PCDHGC5: variants seen among roughly 807,000 people sequenced by gnomAD.
PCDHGC5 encodes the protein protocadherin gamma-C5.
In PCDHGC5, 25 loss-of-function variants were observed where a neutral mutation model predicts 59.0. The observed-to-expected ratio is 0.42, with a 90% CI of 0.31 to 0.59. The LOEUF is 0.59. Among genes scored for constraint, PCDHGC5 ranks in the 20% least tolerant of loss-of-function variants. The pLI is 0.13. For synonymous variants in PCDHGC5, 434 were observed against 505.5 expected, an observed-to-expected ratio of 0.86 and a Z score of 1.90; for missense variants, 1,067 against 1,206.4, an observed-to-expected ratio of 0.88 and a Z score of 1.71.
chr5:141,490,775 A>G lies in PCDHGC5; in HGVS notation c.1535A>G (p.Glu512Gly). 6 of 1,614,110 alleles carry G rather than the reference A, an allele frequency of 3.7e-6. No homozygotes were observed. Among genetic ancestry groups the G allele is most frequent in the Non-Finnish European group, 5.1e-6 (6 of 1,179,964 alleles). Residue 512 changes from glutamate to glycine, a missense_variant, in exon 1 of 4, where the codon GAG becomes GGG. Transcript: ENST00000252087. The surrounding 1 kb of genome is among the most constrained non-coding windows in gnomAD (Gnocchi z 5.4). ...TCCTCCTTTGTGTATGTCAACCCAG[A>G]GGATGGACGGATCTTTGCCCAGCGT... ...PASSFVYVNPEDGRIFAQRTF... is the reference protein window; with the variant it reads ...PASSFVYVNPGDGRIFAQRTF...
intron 2 of PCDHGC5, among the ~76,000 whole-genome samples, chr5:141,501,984 G>A (rs989251578): frequency 2.0e-5 from 3 of 152,042 alleles, no homozygotes; most frequent in African/African-American, 4.8e-5. Context: ...ATCTGGTCCC[G>A]TTGTCTCCCT....
intron 2 of PCDHGC5, among the ~76,000 whole-genome samples, chr5:141,501,018 G>A (rs1337771734): frequency 2.0e-5 from 3 of 151,882 alleles, no homozygotes; most frequent in East Asian, 1.9e-4. Context: ...ACAGGCACGC[G>A]CCACCACGCC....
rs1301352900 is a variant in PCDHGC5, at chr5:141,491,765, A to T, written c.2460+65A>T. ...GGCACTGGAGAAGCCGCCCGTCCTC[A>T]TAAGGGATTGAACTTGCATCCACTC... On this transcript the variant is annotated intron_variant, in intron 1 of 3. Transcript: ENST00000252087. The surrounding 1 kb of genome is among the most constrained non-coding windows in gnomAD (Gnocchi z 6.9). 1.3e-6 allele frequency: 2 copies of T among 1,569,228 alleles called. No individual in the cohort carries two copies. Among genetic ancestry groups the T allele is most frequent in the Non-Finnish European group, 1.7e-6 (2 of 1,158,736 alleles).
chr5:141,493,656 T>C lies in PCDHGC5; in HGVS notation c.2461-1151T>C, dbSNP rs1481871984. Among the ~76,000 whole-genome samples, 1 of 152,184 alleles carries C rather than the reference T, an allele frequency of 6.6e-6. No homozygotes were observed. Among genetic ancestry groups the C allele is most frequent in the African/African-American group, 2.4e-5 (1 of 41,454 alleles). ...CTGAGGGCTGGCCATCCCTGTGCCC[T>C]TCTCCATGGCAGCCCCAGAATGGTG... On this transcript the variant is annotated intron_variant, in intron 1 of 3. Coordinates refer to ENST00000252087, the MANE Select transcript of PCDHGC5 (RefSeq NM_018929.3). The surrounding 1 kb of genome is among the most constrained non-coding windows in gnomAD (Gnocchi z 4.3).
Position 141,491,826 on chromosome 5 carries a change from C to A in PCDHGC5, c.2460+126C>A. 1 of 1,477,526 alleles carries A rather than the reference C, an allele frequency of 6.8e-7. No homozygotes were observed. The highest frequency in any genetic ancestry group is 9.0e-7 in the Non-Finnish European group (1 of 1,114,486). The allele number at this position is 1,477,526 out of a possible 1,614,324, so 91.5% of individuals were successfully genotyped here. A position where few individuals can be genotyped will look rare whatever the true frequency, so the allele number is the denominator to read the frequency against. ...GGCTTGGTCGCTGGCTGCGCTCCAC[C>A]CGATTCTCGGGATCATTGGACCGTT... On this transcript the variant is annotated intron_variant, in intron 1 of 3. Transcript: ENST00000252087. The surrounding 1 kb of genome is among the most constrained non-coding windows in gnomAD (Gnocchi z 6.9).
At position 141,491,150 on chromosome 5, in the gene PCDHGC5, A is replaced by G; in HGVS notation, c.1910A>G (p.Asp637Gly). Residue 637 changes from aspartate to glycine, a missense_variant, in exon 1 of 4, where the codon GAT becomes GGT. Physicochemically the swap from Asp to Gly is moderately conservative, Grantham distance 94. Coordinates refer to ENST00000252087, the MANE Select transcript of PCDHGC5 (RefSeq NM_018929.3). This position sits in a 1 kb window ranked among gnomAD's most constrained non-coding sequence, Gnocchi z 6.9. ...CGCACAGCCCGGGCCTTACTGGAGG[A>G]TGACTCTGACACCCAGCAGGTGGTG... is the stretch of plus-strand genomic sequence containing the variant. ...EVRTARALLE[D>G]DSDTQQVVVL... 1 of 1,614,122 alleles carries G rather than the reference A, an allele frequency of 6.2e-7. No individual in the cohort carries two copies. Among genetic ancestry groups the G allele is most frequent in the African/African-American group, 1.3e-5 (1 of 75,060 alleles).
At chr5:141,501,298 C>CAG (rs2099807427) in intron 2 of PCDHGC5, among the ~76,000 whole-genome samples, 1 of 148,330 alleles carries the variant, frequency 6.7e-6, no homozygotes, top group Non-Finnish European at 1.5e-5. Context: ...TATACACACA[C>CAG]ACACACACAC....
intron 3 of PCDHGC5, among the ~76,000 whole-genome samples, chr5:141,509,841 C>T (rs546036990): frequency 2.0e-5 from 3 of 152,326 alleles, no homozygotes; most frequent in African/African-American, 7.2e-5. Context: ...ACCTCCCATT[C>T]ACTCAGAACA....
rs752011641 is a variant in PCDHGC5 at position 141,490,299 on chromosome 5, C to T, written c.1059C>T (p.Ala353=). 1.2e-6 allele frequency: 2 copies of T among 1,614,068 alleles called. No homozygotes were observed. Among genetic ancestry groups the T allele is most frequent in the East Asian group, 2.2e-5 (1 of 44,896 alleles). ...VNDNAPEVLL[A]SLANPVLEST... Reference sequence around the variant, plus strand: ...ACAATGCCCCAGAGGTGCTATTGGCCTCTTTGGCCAACCCTGTCCTAGAGA... The same window carrying T: ...ACAATGCCCCAGAGGTGCTATTGGCTTCTTTGGCCAACCCTGTCCTAGAGA... The change falls in exon 1 of 4, where the codon GCC becomes GCT. Residue 353 remains alanine, a synonymous_variant. Coordinates refer to ENST00000252087, the MANE Select transcript of PCDHGC5 (RefSeq NM_018929.3). The surrounding 1 kb of genome is among the most constrained non-coding windows in gnomAD (Gnocchi z 5.4).
chr5:141,502,331 G>C lies in PCDHGC5; in HGVS notation c.2520-3062G>C, dbSNP rs555959890. ...TCCTTTAATCTGGAGCCAGCTCCCA[G>C]TCTTTTTATTTTTTTAATGACATGG... On this transcript the variant is annotated intron_variant, in intron 2 of 3. Transcript: ENST00000252087. Among the ~76,000 whole-genome samples, 42 of 152,102 alleles carry C rather than the reference G, an allele frequency of 2.8e-4. No individual in the cohort carries two copies. The South Asian group carries it at 6.2e-3, about 23-fold the overall frequency.
chr5:141,490,257 T>C lies in PCDHGC5; in HGVS notation c.1017T>C (p.Asp339=), dbSNP rs2099697852. Residue 339 remains aspartate (D), a synonymous_variant, in exon 1 of 4, where the codon GAT becomes GAC. Coordinates refer to ENST00000252087, the MANE Select transcript of PCDHGC5 (RefSeq NM_018929.3). The surrounding 1 kb of genome is among the most constrained non-coding windows in gnomAD (Gnocchi z 5.4). ...AGGGCCACTGTGTGATTCAAGTGGATGTGGGGGATGTCAATGACAATGCCC... is the reference window on the plus strand; with the variant it reads ...AGGGCCACTGTGTGATTCAAGTGGACGTGGGGGATGTCAATGACAATGCCC... The part of the protein sequence containing the change: ...AMEGHCVIQV[D]VGDVNDNAPE... The C allele has an allele frequency of 6.2e-7, 1 of 1,614,208 alleles. No individual in the cohort carries two copies. Among genetic ancestry groups the C allele is most frequent in the South Asian group, 1.1e-5 (1 of 91,078 alleles).
At position 141,490,118 on chromosome 5, in the gene PCDHGC5, T is replaced by G. The variant is rs1448768968; in HGVS notation, c.878T>G (p.Phe293Cys). The G allele has an allele frequency of 6.2e-7, 1 of 1,614,158 alleles. No individual in the cohort carries two copies. Among genetic ancestry groups the G allele is most frequent in the Non-Finnish European group, 8.5e-7 (1 of 1,180,048 alleles). Residue 293 changes from phenylalanine (F) to cysteine (C), a missense_variant, in exon 1 of 4, where the codon TTT (phenylalanine) becomes TGT (cysteine). Phe to Cys is a radical substitution (Grantham distance 205). Transcript: ENST00000252087. This position sits in a 1 kb window ranked among gnomAD's most constrained non-coding sequence, Gnocchi z 5.4. ...DHTSEAVRNL[F>C]GLDPSSGAIH... ...ACATCTGAGGCAGTGCGGAACCTCT[T>G]TGGCCTAGACCCTAGCAGTGGGGCA...
At chr5:141,505,554 C>T in intron 3 of PCDHGC5, 73 bp downstream of exon 3, 1 of 1,606,130 alleles carries the variant, frequency 6.2e-7, no homozygotes, top group Non-Finnish European at 8.5e-7. Context: ...AGCCACCATG[C>T]CCACGGACTG....
At position 141,511,542 on chromosome 5, in the gene PCDHGC5, A is replaced by C; in HGVS notation, c.*369A>C. The stretch of plus-strand genomic sequence containing the variant: ...CCCATGCCTCCCTCCTCCCCACCCC[A>C]CTCCAACAGTTCCTCTTTCCCGAGT... On this transcript the variant is annotated 3_prime_UTR_variant, in exon 4 of 4. Coordinates refer to ENST00000252087, the MANE Select transcript of PCDHGC5 (RefSeq NM_018929.3). 6.6e-6 allele frequency: 2 copies of C among 302,184 alleles called. No homozygotes were observed. The highest frequency in any genetic ancestry group is 3.7e-5 in the South Asian group (1 of 26,678). The allele number at this position is 302,184 out of a possible 1,614,324, so 18.7% of individuals were successfully genotyped here. A position where few individuals can be genotyped will look rare whatever the true frequency, so the allele number is the denominator to read the frequency against.
In PCDHGC5 at chr5:141,509,341, G is replaced by C. The variant is rs552337350; in HGVS notation, c.2609-1606G>C. Among the ~76,000 whole-genome samples, 4 of 152,290 alleles carry C rather than the reference G, an allele frequency of 2.6e-5. No homozygotes were observed. The East Asian group carries it at 7.7e-4, about 29-fold the overall frequency. On this transcript the variant is annotated intron_variant, in intron 3 of 3. Transcript: ENST00000252087. ...GAAGCTCTACTGCCAGCTGGGCCTG[G>C]GCTGGCCTGGGCATCCCTGAGGTTT...
At chr5:141,496,759 C>T (rs1287940646) in intron 2 of PCDHGC5, among the ~76,000 whole-genome samples, 2 of 152,038 alleles carry the variant, frequency 1.3e-5, no homozygotes, top group South Asian at 4.2e-4. Context: ...AAATATTTAT[C>T]GAGCATCTAC....
chr5:141,504,763 C>G (rs1057360921), intron 2 of PCDHGC5, among the ~76,000 whole-genome samples: 5 of 152,018 alleles, frequency 3.3e-5, no homozygotes, highest in African/African-American at 1.2e-4. Context: ...AATTTCTTCT[C>G]CCTGCTCCAG....
intron 1 of PCDHGC5, 177 bp from the exon 2 acceptor site, chr5:141,494,630 C>T (rs991482599): frequency 5.8e-6 from 5 of 866,562 alleles, no homozygotes; most frequent in Non-Finnish European, 6.9e-6. Flanking sequence ...GTACCTCAGA[C>T]CTCTGAGACC....
intron 2 of PCDHGC5, among the ~76,000 whole-genome samples, chr5:141,504,859 C>T (rs1396681670): frequency 6.6e-6 from 1 of 152,090 alleles, no homozygotes; most frequent in African/African-American, 2.4e-5. Context: ...TCTTCCATTT[C>T]CCACCTTCAC....
Sources: gnomAD v4.1 joint callset for allele counts (sites outside exome capture counted in the v4.1 genomes callset) on GRCh38, gnomAD v4.1.1 for gene constraint, Gnocchi (gnomAD v3.1) non-coding constraint, MANE v1.5 for transcripts, NCBI Gene and HGNC (gene_info 2026-07-23, HGNC 2026-07-21) for gene names.